Variants in CSMD3 observed in about 807,000 individuals in gnomAD.
CSMD3 encodes the protein CUB and sushi domain-containing protein 3.
Under a neutral mutation model 435.2 loss-of-function variants are expected in CSMD3, and 177 were observed. The observed-to-expected ratio is 0.41, with a 90% CI of 0.36 to 0.46. The LOEUF is 0.46. CSMD3 is among the 20% of genes least tolerant of loss of function. CSMD3 has a pLI of 0.34. For synonymous variants in CSMD3, 1,656 were observed against 1,520.5 expected (o/e 1.09, Z -2.07); for missense variants, 4,265 against 4,504.6 (o/e 0.95, Z 1.52).
chr8:112,776,501 C>T (rs2078249644), intron 13 of CSMD3, among the ~76,000 whole-genome samples: 1 of 151,698 alleles, frequency 6.6e-6, no homozygotes, highest in African/African-American at 2.4e-5. Context: ...CTGTCTAAAT[C>T]CTGTCTTCTA....
Position 112,347,917 on chromosome 8 carries a change from C to T in CSMD3, c.6326-1704G>A, listed in dbSNP as rs910510811. Among the ~76,000 whole-genome samples the T allele has an allele frequency of 1.3e-5, 2 of 152,178 alleles. 1 individual carries two copies. Among genetic ancestry groups the T allele is most frequent in the Non-Finnish European group, 2.9e-5 (2 of 68,018 alleles). ...TTTTATTTTCTTGCCTTCACAATTT[C>T]AAGTCTTTGAGCTGCTGATTGTCCT... On this transcript the variant is annotated intron_variant, in intron 40 of 70. Coordinates refer to ENST00000297405, the MANE Select transcript of CSMD3 (RefSeq NM_198123.2).
intron 14 of CSMD3, among the ~76,000 whole-genome samples, chr8:112,686,568 C>A (rs1301517080): frequency 2.0e-5 from 3 of 151,110 alleles, no homozygotes; most frequent in Non-Finnish European, 2.9e-5. Flanking sequence ...CTCACTGCAA[C>A]CTCCACCTTC....
At chr8:113,168,981 C>A (rs1016589044) in intron 4 of CSMD3, among the ~76,000 whole-genome samples, 2 of 152,108 alleles carry the variant, frequency 1.3e-5, no homozygotes, top group African/African-American at 4.8e-5. Flanking sequence ...GTCACTACTT[C>A]TTTGGAGGAA....
chr8:112,340,989 T>C (rs191034585), intron 42 of CSMD3, among the ~76,000 whole-genome samples: 4 of 152,224 alleles, frequency 2.6e-5, no homozygotes, highest in African/African-American at 7.2e-5. Context: ...GTTTGAGAGA[T>C]AGGTCTAATA....
At chr8:112,599,818 A>G (rs868191484) in intron 22 of CSMD3, among the ~76,000 whole-genome samples, 113 of 142,060 alleles carry the variant, frequency 8.0e-4, no homozygotes, top group African/African-American at 2.8e-3. Context: ...GAATTGAACA[A>G]TGAGATCACA....
chr8:113,200,742 G>A (rs113110860), intron 3 of CSMD3, among the ~76,000 whole-genome samples: 9,923 of 151,082 alleles, frequency 0.066, 440 homozygotes, highest in Non-Finnish European at 0.094. Flanking sequence ...CCAGTCTTAC[G>A]TTAAATGTCA....
chr8:112,532,712 GA>G lies in CSMD3; in HGVS notation c.4565-15488del, dbSNP rs571795522. On this transcript the variant is annotated intron_variant, in intron 27 of 70. Transcript: ENST00000297405. The stretch of plus-strand genomic sequence containing the variant: ...AATGCTAATAAGAGTCCTTCCATCT[GA>G]AAAAAAAAGGATGTTAATATACAGC... 5.0e-4 allele frequency among the ~76,000 whole-genome samples: 74 copies of G among 149,140 alleles called. 1 individual carries two copies. Among genetic ancestry groups the G allele is most frequent in the South Asian group, 2.3e-3 (11 of 4,734 alleles).
At chr8:113,290,004 T>C (rs2093674771) in intron 2 of CSMD3, among the ~76,000 whole-genome samples, 1 of 151,760 alleles carries the variant, frequency 6.6e-6, no homozygotes, top group Non-Finnish European at 1.5e-5. Flanking sequence ...ATGTATATAT[T>C]ATAATGTGGT....
chr8:112,440,993 T>C (rs1814948068), intron 32 of CSMD3, among the ~76,000 whole-genome samples: 1 of 152,228 alleles, frequency 6.6e-6, no homozygotes, highest in Non-Finnish European at 1.5e-5. Context: ...CACCTCTTTG[T>C]AACTTATGCA....
At chr8:112,955,190 T>C (rs1275932209) in intron 7 of CSMD3, among the ~76,000 whole-genome samples, 1 of 151,722 alleles carries the variant, frequency 6.6e-6, no homozygotes, top group East Asian at 1.9e-4. Context: ...AAAAATTTAG[T>C]CTATTTGAAA....
chr8:112,741,761 TGATA>T (rs1284946374), intron 13 of CSMD3, among the ~76,000 whole-genome samples: 3 of 145,930 alleles, frequency 2.1e-5, no homozygotes, highest in African/African-American at 5.1e-5. Context: ...TATAGATAAA[TGATA>T]GATAGATGAT....
rs149260352 is a variant in CSMD3, at chr8:112,645,200, C to A, written c.3219G>T (p.Gly1073=). The A allele has an allele frequency of 4.5e-4, 716 of 1,594,496 alleles. No homozygotes were observed. The highest frequency in any genetic ancestry group is 5.8e-4 in the Non-Finnish European group (674 of 1,162,330). The change falls in exon 20 of 71, where the codon GGG becomes GGT. Residue 1073 remains glycine, a synonymous_variant. Transcript: ENST00000297405. The stretch of plus-strand genomic sequence containing the variant: ...CAGGTGATAAGATTGTTCCACTAGG[C>A]CCTCTAACATCTCCTCCACATAATG... ...CDALCGGDVR[G]PSGTILSPGY... is the part of the protein sequence containing the mutation.
chr8:112,350,820 C>T (rs1826070763), intron 40 of CSMD3, among the ~76,000 whole-genome samples: 1 of 151,962 alleles, frequency 6.6e-6, no homozygotes, highest in Non-Finnish European at 1.5e-5. Flanking sequence ...TTTATCTATT[C>T]CCGCTCAATA....
intron 1 of CSMD3, among the ~76,000 whole-genome samples, chr8:113,350,120 T>A (rs1320842949): frequency 6.6e-6 from 1 of 151,914 alleles, no homozygotes; most frequent in Non-Finnish European, 1.5e-5. Flanking sequence ...AAAGCTATGT[T>A]GGATGTTTCA....
intron 3 of CSMD3, among the ~76,000 whole-genome samples, chr8:113,260,239 CA>C (rs1428022568): frequency 6.6e-6 from 1 of 152,116 alleles, no homozygotes; most frequent in Non-Finnish European, 1.5e-5. Context: ...GCCTGTTTTG[CA>C]GTCAACTTAC....
At chr8:113,162,187 A>C (rs1434445478) in intron 4 of CSMD3, among the ~76,000 whole-genome samples, 1 of 152,142 alleles carries the variant, frequency 6.6e-6, no homozygotes. Flanking sequence ...AAAAATGTTA[A>C]GCCTTTATAC....
At chr8:113,142,019 T>G (rs543693700) in intron 4 of CSMD3, among the ~76,000 whole-genome samples, 22 of 151,246 alleles carry the variant, frequency 1.5e-4, no homozygotes, top group African/African-American at 5.3e-4. Context: ...CACTACCATT[T>G]GAAATCATAC....
intron 1 of CSMD3, among the ~76,000 whole-genome samples, chr8:113,409,378 C>G (rs1039701171): frequency 6.6e-6 from 1 of 151,928 alleles, no homozygotes; most frequent in Non-Finnish European, 1.5e-5. Context: ...CCACCGCGCC[C>G]GGCCAATAAG....
At chr8:112,358,248 C>T (rs949492832) in intron 38 of CSMD3, among the ~76,000 whole-genome samples, 1 of 152,158 alleles carries the variant, frequency 6.6e-6, no homozygotes, top group East Asian at 1.9e-4. Flanking sequence ...GCCTGTACCC[C>T]CACTGTATCT....
Sources: allele counts gnomAD v4.1 joint callset (sites outside exome capture counted in the v4.1 genomes callset), GRCh38; gene constraint gnomAD v4.1.1; transcripts MANE v1.5; gene names NCBI Gene and HGNC (gene_info 2026-07-23, HGNC 2026-07-21).